Variants in ADRA1A observed in about 807,000 individuals in gnomAD.
The protein encoded by ADRA1A is alpha-1A adrenergic receptor.
ADRA1A carries 31 observed loss-of-function variants against 29.6 expected under a neutral mutation model. The ratio of observed to expected loss-of-function variants is 1.05; its 90% confidence interval spans 0.79 to 1.41. The LOEUF is 1.41. Among genes scored for constraint, ADRA1A ranks in the 40% most tolerant of loss-of-function variants. ADRA1A has a pLI of 0.00. For synonymous variants in ADRA1A, 311 were observed against 254.3 expected (o/e 1.22, Z -2.12); for missense variants, 619 against 601.1 (o/e 1.03, Z -0.31).
At chr8:26,799,947 A>T (rs867365127) in intron 2 of ADRA1A, among the ~76,000 whole-genome samples, 20 of 152,260 alleles carry the variant, frequency 1.3e-4, no homozygotes, top group African/African-American at 4.8e-4. Flanking sequence ...ATGTTACTTG[A>T]CTTCATGATG....
chr8:26,862,937 T>C (rs1300579951), intron 2 of ADRA1A, among the ~76,000 whole-genome samples: 3 of 152,240 alleles, frequency 2.0e-5, no homozygotes, highest in Non-Finnish European at 4.4e-5. Flanking sequence ...GATTGCAGGA[T>C]AATTGTGTAT....
At chr8:26,863,492 T>A (rs1813630863) in intron 2 of ADRA1A, among the ~76,000 whole-genome samples, 3 of 152,226 alleles carry the variant, frequency 2.0e-5, no homozygotes, top group Admixed American at 1.3e-4. Context: ...AGGCTTAAAT[T>A]GGTTTGGACA....
intron 2 of ADRA1A, among the ~76,000 whole-genome samples, chr8:26,759,619 G>T (rs1282113295): frequency 6.6e-6 from 1 of 152,116 alleles, no homozygotes; most frequent in Non-Finnish European, 1.5e-5. Context: ...CTGACTCGGG[G>T]AGGCACTGTG....
downstream of ADRA1A, among the ~76,000 whole-genome samples, chr8:26,765,078 C>A (rs1805702912): frequency 6.6e-6 from 1 of 152,234 alleles, no homozygotes; most frequent in South Asian, 2.1e-4. Flanking sequence ...CCTTGCTTAT[C>A]AGTTGCAGCA....
At chr8:26,835,737 C>T (rs960678203) in intron 2 of ADRA1A, 1 of 152,154 alleles carries the variant, frequency 6.6e-6, no homozygotes, top group Non-Finnish European at 1.5e-5. Flanking sequence ...AATGCAATTC[C>T]TCATAGAGAT....
intron 2 of ADRA1A, among the ~76,000 whole-genome samples, chr8:26,846,860 A>G (rs1563303272): frequency 6.6e-6 from 1 of 152,232 alleles, no homozygotes; most frequent in African/African-American, 2.4e-5. Flanking sequence ...AAAATATGGC[A>G]CATATACACC....
intron 2 of ADRA1A, among the ~76,000 whole-genome samples, chr8:26,748,912 G>C (rs1804805561): frequency 6.6e-6 from 1 of 152,236 alleles, no homozygotes; most frequent in Admixed American, 6.5e-5. Context: ...GACTCAACCA[G>C]AGAGGACCTC....
At chr8:26,832,944 G>A (rs535700248) in intron 2 of ADRA1A, among the ~76,000 whole-genome samples, 84 of 152,344 alleles carry the variant, frequency 5.5e-4, no homozygotes, top group Non-Finnish European at 9.4e-4. Context: ...GCCACCAGGA[G>A]TGAGACACAG....
intron 2 of ADRA1A, among the ~76,000 whole-genome samples, chr8:26,784,283 C>G (rs1367589784): frequency 6.6e-6 from 1 of 152,234 alleles, no homozygotes; most frequent in East Asian, 1.9e-4. Context: ...TGACCTCACA[C>G]CAGCCATGTT....
At chr8:26,846,995 C>G (rs1403730401) in intron 2 of ADRA1A, among the ~76,000 whole-genome samples, 1 of 152,042 alleles carries the variant, frequency 6.6e-6, no homozygotes, top group Non-Finnish European at 1.5e-5. Context: ...TGCATATTCT[C>G]ACTCATAGCT....
intron 2 of ADRA1A, among the ~76,000 whole-genome samples, chr8:26,851,704 A>G (rs991033484): frequency 2.6e-5 from 4 of 152,216 alleles, no homozygotes; most frequent in African/African-American, 9.6e-5. Flanking sequence ...TTAAATGAAG[A>G]TATTATTGAT....
At chr8:26,750,194 T>TG (rs1804860675) in intron 2 of ADRA1A, among the ~76,000 whole-genome samples, 1 of 152,082 alleles carries the variant, frequency 6.6e-6, no homozygotes, top group African/African-American at 2.4e-5. Context: ...CTGTCTGGGC[T>TG]GGGGTCTCTT....
At chr8:26,771,204 G>T (rs1016788327) in intron 2 of ADRA1A, among the ~76,000 whole-genome samples, 3 of 152,142 alleles carry the variant, frequency 2.0e-5, no homozygotes, top group Admixed American at 1.3e-4. Flanking sequence ...TGCCAAAGTT[G>T]GGCCAGTGAT....
downstream of ADRA1A, among the ~76,000 whole-genome samples, chr8:26,766,960 G>A (rs73678232): frequency 3.8e-3 from 585 of 152,208 alleles, 5 homozygotes; most frequent in African/African-American, 0.013. Context: ...GCTATGTGAC[G>A]ACAAGCAGAA....
rs182768891 is a variant in ADRA1A at position 26,759,450 on chromosome 8, A to G, written c.1270-2671T>C. ...TGTAATGCTTGCTTTGATCTTCAAA[A>G]TACTTCACAGAAGTACTTTTTAATA... On this transcript the variant is annotated intron_variant, in intron 2 of 2. Transcript: ENST00000380582. Among the ~76,000 whole-genome samples the G allele has an allele frequency of 5.1e-4, 78 of 152,346 alleles. No individual in the cohort carries two copies. The East Asian group carries it at 0.014, about 27-fold the overall frequency.
chr8:26,866,853 T>C lies in ADRA1A; in HGVS notation c.-687+83A>G. The C allele has an allele frequency of 1.0e-6, 1 of 984,586 alleles. No individual in the cohort carries two copies. The highest frequency in any genetic ancestry group is 1.2e-6 in the Non-Finnish European group (1 of 829,822). 61.0% of individuals were successfully genotyped at this position (984,586 alleles called of 1,614,324 possible). ...AAAAAGCGGGAGGCGCTGGGAAAAGTGGGGGTTCCGTCTCACCAGACGGCG... is the reference window on the plus strand; with the variant it reads ...AAAAAGCGGGAGGCGCTGGGAAAAGCGGGGGTTCCGTCTCACCAGACGGCG... On this transcript the variant is annotated intron_variant, in intron 1 of 2. Coordinates refer to ENST00000380573, the MANE Select transcript of ADRA1A (RefSeq NM_000680.4). This position sits in a 1 kb window ranked among gnomAD's most constrained non-coding sequence, Gnocchi z 5.7.
chr8:26,818,022 C>G (rs73231570), intron 2 of ADRA1A, among the ~76,000 whole-genome samples: 19,380 of 152,194 alleles, frequency 0.13, 1,541 homozygotes, highest in Middle Eastern at 0.29. Context: ...AAGGAACATC[C>G]CAACATATGG....
intron 2 of ADRA1A, among the ~76,000 whole-genome samples, chr8:26,819,516 T>C (rs1390514): frequency 0.066 from 9,999 of 152,236 alleles, 688 homozygotes; most frequent in East Asian, 0.32. Context: ...GGGTAAGTTT[T>C]TGTATGCAAT....
At chr8:26,798,012 C>T (rs1808307826) in intron 2 of ADRA1A, among the ~76,000 whole-genome samples, 1 of 147,324 alleles carries the variant, frequency 6.8e-6, no homozygotes, top group South Asian at 2.1e-4. Context: ...TGGAATCTCA[C>T]TTGTCACCCA....
Sources: allele counts gnomAD v4.1 joint callset (sites outside exome capture counted in the v4.1 genomes callset), GRCh38; gene constraint gnomAD v4.1.1; non-coding constraint Gnocchi (gnomAD v3.1); transcripts MANE v1.5; gene names NCBI Gene and HGNC (gene_info 2026-07-23, HGNC 2026-07-21).